PCDH11X: variants seen among roughly 807,000 people sequenced by gnomAD.
The protein encoded by PCDH11X is protocadherin 11 X-linked.
Under a neutral mutation model 53.3 loss-of-function variants are expected in PCDH11X, and 18 were observed. That is an observed-to-expected ratio of 0.34 (90% CI 0.23 to 0.50). The LOEUF (loss-of-function observed/expected upper bound fraction) is 0.50. Ranked by LOEUF, PCDH11X falls within the 20% of genes least tolerant of loss-of-function variation. PCDH11X has a pLI of 0.98. For synonymous variants in PCDH11X, 279 were observed against 393.3 expected, an observed-to-expected ratio of 0.71 and a Z score of 3.44; for missense variants, 570 against 1,032.4, an observed-to-expected ratio of 0.55 and a Z score of 6.14.
chrX:92,219,506 C>T (rs1258319706), intron 7 of PCDH11X, among the ~76,000 whole-genome samples: 3 of 109,949 alleles, frequency 2.7e-5, no homozygotes, highest in Non-Finnish European at 5.7e-5. Flanking sequence ...TGAAGGCCCT[C>T]TTCAAGGAGA....
chrX:92,386,901 G>A (rs1465365885), intron 8 of PCDH11X, among the ~76,000 whole-genome samples: 5 of 97,964 alleles, frequency 5.1e-5, no homozygotes, highest in Non-Finnish European at 1.0e-4. Flanking sequence ...GTGGTCTCAG[G>A]CTATTTGAAA....
At chrX:92,416,201 G>A (rs2071806781) in intron 9 of PCDH11X, among the ~76,000 whole-genome samples, 2 of 110,532 alleles carry the variant, frequency 1.8e-5, no homozygotes, top group African/African-American at 3.3e-5. Flanking sequence ...TTGAGGAGGT[G>A]GGAATGGTTA....
intron 6 of PCDH11X, among the ~76,000 whole-genome samples, chrX:92,059,561 C>A (rs1420475050): frequency 9.1e-6 from 1 of 110,350 alleles, no homozygotes; most frequent in Non-Finnish European, 1.9e-5. Context: ...GTGAGAACAA[C>A]CTTACATATA....
intron 6 of PCDH11X, among the ~76,000 whole-genome samples, chrX:91,918,226 C>T (rs968698484): frequency 6.3e-5 from 7 of 110,256 alleles, no homozygotes; most frequent in African/African-American, 2.3e-4. Flanking sequence ...CCTAGAGTCT[C>T]GCATTATTAT....
chrX:92,208,193 TAA>T (rs66614821), intron 7 of PCDH11X, among the ~76,000 whole-genome samples: 8,220 of 82,844 alleles, frequency 0.099, 394 homozygotes, highest in Admixed American at 0.17. Context: ...AGACTCCATC[TAA>T]AAAAAAAAAA....
At chrX:91,925,812 A>G (rs1941925662) in intron 6 of PCDH11X, among the ~76,000 whole-genome samples, 1 of 110,467 alleles carries the variant, frequency 9.1e-6, no homozygotes, top group Non-Finnish European at 1.9e-5. Context: ...CAGGCAGTAC[A>G]TGGCTTTAGA....
chrX:91,959,364 T>C (rs2061754891), intron 6 of PCDH11X, among the ~76,000 whole-genome samples: 1 of 111,366 alleles, frequency 9.0e-6, no homozygotes, highest in Non-Finnish European at 1.9e-5. Context: ...CTGTAGTCAC[T>C]ATGCGGTATT....
chrX:92,614,678 T>C, intron 10 of PCDH11X, among the ~76,000 whole-genome samples: 1 of 107,586 alleles, frequency 9.3e-6, no homozygotes, highest in Non-Finnish European at 1.9e-5. Flanking sequence ...AAATGTCCCC[T>C]GATGTCAGGC....
chrX:92,281,512 T>C (rs2068251325), intron 8 of PCDH11X, among the ~76,000 whole-genome samples: 1 of 112,400 alleles, frequency 8.9e-6, no homozygotes, highest in African/African-American at 3.2e-5. Context: ...ATATGATTAA[T>C]ATAAACTAGT....
intron 6 of PCDH11X, among the ~76,000 whole-genome samples, chrX:92,092,655 C>T (rs113776174): frequency 0.039 from 4,321 of 111,461 alleles, 208 homozygotes; most frequent in African/African-American, 0.13. Context: ...TCTGATTAAC[C>T]TCTCCAAAGG....
At chrX:92,387,146 TA>T (rs2071026853) in intron 8 of PCDH11X, among the ~76,000 whole-genome samples, 1 of 109,920 alleles carries the variant, frequency 9.1e-6, no homozygotes, top group Non-Finnish European at 1.9e-5. Flanking sequence ...ATAATTGCCA[TA>T]AACTGTTATC....
intron 8 of PCDH11X, among the ~76,000 whole-genome samples, chrX:92,265,511 A>C (rs2067810959): frequency 8.9e-6 from 1 of 111,755 alleles, no homozygotes; most frequent in Admixed American, 9.6e-5. Flanking sequence ...AGCATAATAA[A>C]AAAAACATAC....
intron 4 of PCDH11X, among the ~76,000 whole-genome samples, chrX:91,817,800 C>T (rs2524872): frequency 9.0e-6 from 1 of 111,316 alleles, no homozygotes; most frequent in Non-Finnish European, 1.9e-5. Context: ...CAATCACCTT[C>T]GTTTCTAATT....
At position 92,229,908 on chromosome X, in the gene PCDH11X, C is replaced by T. The variant is rs1230893924; in HGVS notation, c.3114+28453C>T. 3.6e-5 allele frequency among the ~76,000 whole-genome samples: 4 copies of T among 110,337 alleles called. No individual in the cohort carries two copies. In the East Asian group the frequency reaches 1.2e-3, roughly 32 times the overall value. On this transcript the variant is annotated intron_variant, in intron 7 of 10. Transcript: ENST00000682573. ...CTTTTTTGGAAAATAGTTTTCTGGC[C>T]ACCCTAAGAAAAGGCCCCTAATAAA...
chrX:92,171,335 T>A (rs1446378418), intron 6 of PCDH11X, among the ~76,000 whole-genome samples: 1 of 107,692 alleles, frequency 9.3e-6, no homozygotes, highest in Non-Finnish European at 1.9e-5. Flanking sequence ...ACTGATACCT[T>A]GTTTCTACCC....
intron 6 of PCDH11X, among the ~76,000 whole-genome samples, chrX:92,093,087 G>A (rs952552065): frequency 9.0e-6 from 1 of 111,215 alleles, no homozygotes; most frequent in African/African-American, 3.3e-5. Context: ...GTTTCCTGAC[G>A]CCTCCTCAGA....
intron 6 of PCDH11X, among the ~76,000 whole-genome samples, chrX:92,187,986 T>A (rs2148302261): frequency 9.0e-6 from 1 of 111,646 alleles, no homozygotes; most frequent in African/African-American, 3.3e-5. Context: ...TACATAAAGT[T>A]ATTGAGAAGA....
intron 6 of PCDH11X, among the ~76,000 whole-genome samples, chrX:91,962,793 T>C: frequency 9.0e-6 from 1 of 110,895 alleles, no homozygotes; most frequent in Non-Finnish European, 1.9e-5. Flanking sequence ...TAGATAGAAG[T>C]TCCCAAACCT....
At chrX:92,014,031 A>G (rs942763375) in intron 6 of PCDH11X, among the ~76,000 whole-genome samples, 1 of 111,950 alleles carries the variant, frequency 8.9e-6, no homozygotes, top group Admixed American at 9.5e-5. Context: ...AAATTGACAT[A>G]TGGGATCTAA....
Sources: allele counts gnomAD v4.1 joint callset (sites outside exome capture counted in the v4.1 genomes callset), GRCh38; gene constraint gnomAD v4.1.1; transcripts MANE v1.5; gene names NCBI Gene and HGNC (gene_info 2026-07-23, HGNC 2026-07-21).